Variants in C9 observed in about 807,000 individuals in gnomAD.
C9 encodes the protein complement component C9.
Under a neutral mutation model 65.4 loss-of-function variants are expected in C9, and 63 were observed. The observed-to-expected ratio is 0.96, with a 90% CI of 0.79 to 1.19. The LOEUF (loss-of-function observed/expected upper bound fraction) is 1.19. Among genes scored for constraint, C9 ranks in the 50% most tolerant of loss-of-function variants. The probability of loss-of-function intolerance (pLI) is 0.00; values close to 1 mark genes in which losing one functional copy is unlikely to be tolerated. For synonymous variants in C9, 229 were observed against 227.9 expected (o/e 1.00, Z -0.04); for missense variants, 744 against 670.1 (o/e 1.11, Z -1.22).
chr5:39,288,483 G>C (rs559541914), intron 10 of C9, among the ~76,000 whole-genome samples: 1 of 151,450 alleles, frequency 6.6e-6, no homozygotes, highest in Non-Finnish European at 1.5e-5. Context: ...TTTATAAAGA[G>C]TAATACAATA....
chr5:39,314,327 T>C (rs1348187432), intron 6 of C9, among the ~76,000 whole-genome samples: 1 of 151,940 alleles, frequency 6.6e-6, no homozygotes, highest in Non-Finnish European at 1.5e-5. Context: ...TGCATGCCTG[T>C]AATCCCAGCT....
intron 4 of C9, among the ~76,000 whole-genome samples, chr5:39,333,421 C>T (rs917011447): frequency 2.0e-5 from 3 of 152,180 alleles, no homozygotes; most frequent in East Asian, 1.9e-4. Context: ...TTGAAAAGGG[C>T]TTCTAATGGG....
intron 4 of C9, among the ~76,000 whole-genome samples, chr5:39,338,903 G>T (rs1454798856): frequency 3.3e-5 from 5 of 152,138 alleles, no homozygotes; most frequent in African/African-American, 1.2e-4. Context: ...ATGAATGATT[G>T]TTTTTCAGCT....
At position 39,291,029 on chromosome 5, in the gene C9, G is replaced by T. The variant is rs3776539; in HGVS notation, c.1417-2078C>A. 1.1e-4 allele frequency among the ~76,000 whole-genome samples: 16 copies of T among 151,918 alleles called. No individual in the cohort carries two copies. The East Asian group carries it at 2.9e-3, about 28-fold the overall frequency. On this transcript the variant is annotated intron_variant, in intron 9 of 10. Transcript: ENST00000263408. ...CAGGCTACTCCTATAATAATTTTAC[G>T]TACAGTATTTAGCCCACAGTAAAAA...
intron 1 of C9, among the ~76,000 whole-genome samples, chr5:39,362,228 T>C (rs943876687): frequency 3.3e-5 from 5 of 152,214 alleles, no homozygotes; most frequent in Admixed American, 3.3e-4. Flanking sequence ...TATTTGGAAA[T>C]AGGGTCTTTA....
intron 5 of C9, among the ~76,000 whole-genome samples, chr5:39,322,852 G>A (rs1356064605): frequency 1.3e-5 from 2 of 151,998 alleles, no homozygotes; most frequent in Non-Finnish European, 2.9e-5. Context: ...AAGTAATCTA[G>A]AGATGATTTA....
At position 39,315,420 on chromosome 5, in the gene C9, A is replaced by G. The variant is rs547813025; in HGVS notation, c.870+355T>C. Among the ~76,000 whole-genome samples the G allele has an allele frequency of 7.9e-5, 12 of 152,326 alleles. No homozygotes were observed. In the East Asian group the frequency reaches 2.3e-3, roughly 29 times the overall value. On this transcript the variant is annotated intron_variant, in intron 6 of 10. Coordinates refer to ENST00000263408, the MANE Select transcript of C9 (RefSeq NM_001737.5). ...AGTTTGTAGTTAATAAACAGTGATC[A>G]TTCTAGGTAAGGCATTGCAATGAAT...
chr5:39,308,166 G>A, intron 8 of C9, 64 bp downstream of exon 8: 1 of 1,402,766 alleles, frequency 7.1e-7, no homozygotes, highest in Non-Finnish European at 1.0e-6. Flanking sequence ...CATTGCAAGA[G>A]GGCAGTGCTC....
At position 39,342,079 on chromosome 5, in the gene C9, A is replaced by G. The variant is rs2111955304; in HGVS notation, c.183+12T>C. 7 of 1,427,252 alleles carry G rather than the reference A, an allele frequency of 4.9e-6. No individual in the cohort carries two copies. The highest frequency in any genetic ancestry group is 6.9e-6 in the Non-Finnish European group (7 of 1,009,248). 88.4% of individuals were successfully genotyped at this position (1,427,252 alleles called of 1,614,324 possible). A position where few individuals can be genotyped will look rare whatever the true frequency, so the allele number is the denominator to read the frequency against. On this transcript the variant is annotated intron_variant, in intron 2 of 10. Transcript: ENST00000263408. ...TTGGGGAGGTCAGTGGGGAAGGGAG[A>G]TGAACACTTACCATTTGTCTGAGAC... is the stretch of plus-strand genomic sequence containing the variant.
intron 5 of C9, among the ~76,000 whole-genome samples, chr5:39,318,259 C>T (rs10051724): frequency 0.03 from 4,500 of 152,186 alleles, 201 homozygotes; most frequent in African/African-American, 0.1. Context: ...GCTGAGACAA[C>T]GGGGTTTTCT....
At chr5:39,298,365 CT>C (rs1315869883) in intron 9 of C9, among the ~76,000 whole-genome samples, 1 of 151,246 alleles carries the variant, frequency 6.6e-6, no homozygotes, top group Non-Finnish European at 1.5e-5. Flanking sequence ...TTTAAAGCTG[CT>C]TTTTTGAGAT....
At chr5:39,358,256 A>G (rs572498405) in intron 1 of C9, among the ~76,000 whole-genome samples, 137 of 152,356 alleles carry the variant, frequency 9.0e-4, no homozygotes, top group African/African-American at 3.0e-3. Flanking sequence ...AGAAGGTGAT[A>G]GTCCATTAAG....
At chr5:39,343,001 C>A (rs1241835889) in intron 1 of C9, among the ~76,000 whole-genome samples, 1 of 152,212 alleles carries the variant, frequency 6.6e-6, no homozygotes, top group Non-Finnish European at 1.5e-5. Flanking sequence ...CCTACCTCTA[C>A]TTGCCTGACC....
chr5:39,334,005 C>G (rs551779901), intron 4 of C9, among the ~76,000 whole-genome samples: 5 of 151,982 alleles, frequency 3.3e-5, no homozygotes, highest in Non-Finnish European at 7.4e-5. Flanking sequence ...CCCAAAGTGC[C>G]GAGATTGCAG....
At chr5:39,300,601 A>C (rs962003667) in intron 9 of C9, among the ~76,000 whole-genome samples, 9 of 148,866 alleles carry the variant, frequency 6.0e-5, no homozygotes, top group African/African-American at 1.7e-4. Context: ...TAGGTAATTT[A>C]AAAAAAAAAA....
intron 1 of C9, among the ~76,000 whole-genome samples, chr5:39,349,048 G>A (rs835205): frequency 0.022 from 3,394 of 151,210 alleles, 148 homozygotes; most frequent in African/African-American, 0.08. Flanking sequence ...GGGAAGGAAC[G>A]CATTAGGAGA....
At chr5:39,362,319 T>C (rs1754535961) in intron 1 of C9, among the ~76,000 whole-genome samples, 3 of 152,152 alleles carry the variant, frequency 2.0e-5, no homozygotes, top group Admixed American at 2.0e-4. Context: ...AAGGGGACAT[T>C]TTTATAAAGA....
chr5:39,359,566 T>A (rs972785355), intron 1 of C9, among the ~76,000 whole-genome samples: 1 of 152,108 alleles, frequency 6.6e-6, no homozygotes, highest in Non-Finnish European at 1.5e-5. Flanking sequence ...CATTTTTTTT[T>A]AAGTTAAAAT....
intron 9 of C9, among the ~76,000 whole-genome samples, chr5:39,300,363 G>C (rs1753258493): frequency 6.6e-6 from 1 of 152,228 alleles, no homozygotes; most frequent in East Asian, 1.9e-4. Flanking sequence ...TGTTAGACAA[G>C]ACTGCACCAC....
Sources: gnomAD v4.1 joint callset for allele counts (sites outside exome capture counted in the v4.1 genomes callset) on GRCh38, gnomAD v4.1.1 for gene constraint, MANE v1.5 for transcripts, NCBI Gene and HGNC (gene_info 2026-07-23, HGNC 2026-07-21) for gene names.